Variants in LYN observed in about 807,000 individuals in gnomAD.
LYN encodes the protein LYN proto-oncogene, Src family tyrosine kinase, also known as tyrosine-protein kinase Lyn.
LYN carries 12 observed loss-of-function variants against 65.0 expected under a neutral mutation model. That is an observed-to-expected ratio of 0.18 (90% CI 0.12 to 0.30). LYN has a LOEUF of 0.30. Among genes scored for constraint, LYN ranks in the 10% least tolerant of loss-of-function variants. The pLI is 1.00. For synonymous variants in LYN, 222 were observed against 221.2 expected, an observed-to-expected ratio of 1.00 and a Z score of -0.03; for missense variants, 380 against 623.2, an observed-to-expected ratio of 0.61 and a Z score of 4.16.
chr8:55,992,862 T>G (rs1422735270), intron 10 of LYN, among the ~76,000 whole-genome samples: 1 of 152,144 alleles, frequency 6.6e-6, no homozygotes, highest in Non-Finnish European at 1.5e-5. Flanking sequence ...ATAAGGGCCT[T>G]AATCCAATTC....
At chr8:55,884,324 T>G (rs1324202020) in intron 1 of LYN, among the ~76,000 whole-genome samples, 1 of 152,182 alleles carries the variant, frequency 6.6e-6, no homozygotes, top group Non-Finnish European at 1.5e-5. Context: ...AGGCTGGTCT[T>G]GAACTCCTGA....
At chr8:56,003,767 A>G (rs943911450) in intron 12 of LYN, among the ~76,000 whole-genome samples, 6 of 152,088 alleles carry the variant, frequency 3.9e-5, no homozygotes, top group South Asian at 2.1e-4. Flanking sequence ...AGAAAGTCAC[A>G]TATAAGGCAA....
At chr8:55,941,796 G>A in intron 1 of LYN, 59 bp from the exon 2 acceptor site, 3 of 1,307,464 alleles carry the variant, frequency 2.3e-6, no homozygotes, top group South Asian at 1.3e-5. Flanking sequence ...GAGACATTTT[G>A]ATGGCTTGAA....
At chr8:56,004,241 T>C (rs59511264) in intron 12 of LYN, among the ~76,000 whole-genome samples, 5,284 of 151,404 alleles carry the variant, frequency 0.035, 301 homozygotes, top group African/African-American at 0.11. Flanking sequence ...CTAAATATTT[T>C]ATTCTTATCT....
chr8:55,916,667 A>G (rs1805788464), intron 1 of LYN, among the ~76,000 whole-genome samples: 1 of 152,090 alleles, frequency 6.6e-6, no homozygotes, highest in Non-Finnish European at 1.5e-5. Flanking sequence ...CTCCCCTGGG[A>G]GTGGAGCCAG....
intron 12 of LYN, among the ~76,000 whole-genome samples, chr8:56,002,426 T>TAA (rs200330287): frequency 0.053 from 7,209 of 135,934 alleles, 524 homozygotes; most frequent in African/African-American, 0.16. Flanking sequence ...CTTAAAAAAA[T>TAA]AAAAAAAAAA....
chr8:56,005,690 C>G (rs759963862), intron 12 of LYN, among the ~76,000 whole-genome samples: 16 of 152,092 alleles, frequency 1.1e-4, no homozygotes, highest in Non-Finnish European at 2.4e-4. Context: ...GGATGAATTA[C>G]AGAAAAAAGA....
chr8:55,984,062 CCT>C lies in LYN; in HGVS notation c.1050+14272_1050+14273del, dbSNP rs541405232. On this transcript the variant is annotated intron_variant, in intron 10 of 12. Coordinates refer to ENST00000519728, the MANE Select transcript of LYN (RefSeq NM_002350.4). ...GTTGACCGCACTGCTCCTCTTCCCA[CCT>C]CTGTCTTCCGGTGGCCTCTGACCTT... Among the ~76,000 whole-genome samples the C allele has an allele frequency of 1.1e-3, 165 of 152,314 alleles. 1 individual carries two copies. The highest frequency in any genetic ancestry group is 7.1e-3 in the South Asian group (34 of 4,822).
At chr8:56,005,429 C>G (rs1002908281) in intron 12 of LYN, among the ~76,000 whole-genome samples, 1 of 152,206 alleles carries the variant, frequency 6.6e-6, no homozygotes, top group Non-Finnish European at 1.5e-5. Flanking sequence ...GTACTATGGG[C>G]TCCAGGTACT....
At chr8:55,937,872 T>G (rs1280539910) in intron 1 of LYN, among the ~76,000 whole-genome samples, 4 of 152,010 alleles carry the variant, frequency 2.6e-5, no homozygotes, top group African/African-American at 4.8e-5. Context: ...ATTTTTGTGT[T>G]TTTTAGTAGA....
chr8:55,976,594 G>C (rs963003158), intron 10 of LYN, among the ~76,000 whole-genome samples: 2 of 152,144 alleles, frequency 1.3e-5, no homozygotes, highest in Non-Finnish European at 2.9e-5. Flanking sequence ...CAAAGACAGG[G>C]TACAGCCCTG....
rs1375075491 is a variant in LYN, at chr8:56,013,673, A to G, written c.*3563A>G. ...TGCAACCTCAGCTTCTGACACCTTC[A>G]AATAAATTAAATGCTGGTCCTAGGG... On this transcript the variant is annotated 3_prime_UTR_variant, in exon 13 of 13. Transcript: ENST00000519728. The G allele has an allele frequency of 2.0e-5, 3 of 152,184 alleles. No homozygotes were observed. Among genetic ancestry groups the G allele is most frequent in the African/African-American group, 4.8e-5 (2 of 41,428 alleles). The allele number at this position is 152,184 out of a possible 1,614,324, so 9.4% of individuals were successfully genotyped here.
At chr8:55,902,704 T>G in intron 1 of LYN, 1 of 465,468 alleles carries the variant, frequency 2.1e-6, no homozygotes, top group South Asian at 1.6e-5. Context: ...TTCTACATAT[T>G]TTACTCATAA....
chr8:55,890,745 T>G (rs1804934685), intron 1 of LYN, among the ~76,000 whole-genome samples: 1 of 110,484 alleles, frequency 9.1e-6, no homozygotes, highest in Non-Finnish European at 1.9e-5. Context: ...TTTTTTTTTT[T>G]GAAACAGGGT....
intron 1 of LYN, among the ~76,000 whole-genome samples, chr8:55,899,661 C>G (rs1335623586): frequency 6.6e-6 from 1 of 151,588 alleles, no homozygotes; most frequent in Non-Finnish European, 1.5e-5. Context: ...TTTTTCTTTT[C>G]TTTTTTGAGA....
At chr8:55,908,259 A>C (rs1257265620) in intron 1 of LYN, among the ~76,000 whole-genome samples, 2 of 148,920 alleles carry the variant, frequency 1.3e-5, no homozygotes, top group Non-Finnish European at 3.0e-5. Context: ...TTATTTATTT[A>C]TTTGAGACAG....
At chr8:55,987,369 T>C (rs1808103476) in intron 10 of LYN, among the ~76,000 whole-genome samples, 1 of 148,742 alleles carries the variant, frequency 6.7e-6, no homozygotes, top group Non-Finnish European at 1.5e-5. Context: ...GATCAGGCAC[T>C]ACACTCCAGC....
At chr8:55,909,001 A>G (rs1391801487) in intron 1 of LYN, among the ~76,000 whole-genome samples, 1 of 19,232 alleles carries the variant, frequency 5.2e-5, no homozygotes, top group African/African-American at 2.8e-4. Flanking sequence ...ATATATATAT[A>G]TATATATATA....
intron 10 of LYN, among the ~76,000 whole-genome samples, chr8:55,991,200 C>T (rs1265355425): frequency 6.6e-6 from 1 of 152,240 alleles, no homozygotes; most frequent in Non-Finnish European, 1.5e-5. Flanking sequence ...CTTTTCTCAC[C>T]TGCTGTGGCC....
Sources: allele counts gnomAD v4.1 joint callset (sites outside exome capture counted in the v4.1 genomes callset), GRCh38; gene constraint gnomAD v4.1.1; transcripts MANE v1.5; gene names NCBI Gene and HGNC (gene_info 2026-07-23, HGNC 2026-07-21).